TRPV5: variants seen among roughly 807,000 people sequenced by gnomAD.
TRPV5 encodes transient receptor potential cation channel subfamily V member 5, also known as calcium transport protein 2.
A neutral mutation model predicts 74.1 loss-of-function variants in TRPV5; 66 were observed. That is an observed-to-expected ratio of 0.89 (90% CI 0.73 to 1.09). The LOEUF is 1.09. Among genes scored for constraint, TRPV5 ranks in the 50% least tolerant of loss-of-function variants. TRPV5 has a pLI of 0.00. For missense variants in TRPV5, 936 were observed against 930.4 expected (o/e 1.01, Z -0.08); for synonymous variants, 399 against 360.7 (o/e 1.11, Z -1.20).
Position 142,928,112 on chromosome 7 carries a change from A to G in TRPV5, c.885T>C (p.Leu295=), listed in dbSNP as rs759272101. 6 of 1,614,130 alleles carry G rather than the reference A, an allele frequency of 3.7e-6. No homozygotes were observed. In the Admixed American group the frequency reaches 1.0e-4, roughly 27 times the overall value. Residue 295 remains leucine (L), a synonymous_variant, in exon 7 of 15, where the codon CTT becomes CTC. Transcript: ENST00000265310. ...SWGEELSFLE[L]VVSSDKREAR... is the part of the protein sequence containing the mutation. ...CCTCTCGTTTATCAGAGGAGACCAC[A>G]AGCTCCAGGAAGGACAGCTCCTCTC...
chr7:142,915,186 T>C lies in TRPV5; in HGVS notation c.1286+121A>G, dbSNP rs4252486. ...ACGCACATACAGTTACACCTACAAG[T>C]CCACTGGAGAGAAGTCCTTGGAGTG... is the stretch of plus-strand genomic sequence containing the variant. On this transcript the variant is annotated intron_variant, in intron 10 of 14. Transcript: ENST00000265310. 58 of 1,511,826 alleles carry C rather than the reference T, an allele frequency of 3.8e-5. No individual in the cohort carries two copies. The African/African-American group carries it at 6.9e-4, about 18-fold the overall frequency. The allele number at this position is 1,511,826 out of a possible 1,614,324, so 93.7% of individuals were successfully genotyped here.
intron 13 of TRPV5, among the ~76,000 whole-genome samples, chr7:142,911,773 GA>G (rs1166219216): frequency 6.6e-6 from 1 of 152,150 alleles, no homozygotes; most frequent in African/African-American, 2.4e-5. Flanking sequence ...AAGTCTAAGG[GA>G]AAAATGATGG....
At chr7:142,916,868 C>G (rs865955305) in intron 8 of TRPV5, among the ~76,000 whole-genome samples, 1 of 150,864 alleles carries the variant, frequency 6.6e-6, no homozygotes, top group African/African-American at 2.4e-5. Context: ...GGTCTAACAA[C>G]CTGTGACCAG....
chr7:142,931,017 ATTTTTTTTTT>A (rs35738386), intron 1 of TRPV5, among the ~76,000 whole-genome samples: 3 of 100,318 alleles, frequency 3.0e-5, no homozygotes, highest in South Asian at 3.5e-4. Flanking sequence ...CCCTCAGGCT[ATTTTTTTTTT>A]TTTTTTTTTT....
intron 8 of TRPV5, among the ~76,000 whole-genome samples, chr7:142,920,845 A>T (rs1795871402): frequency 6.6e-6 from 1 of 152,212 alleles, no homozygotes; most frequent in African/African-American, 2.4e-5. Context: ...TGGAAATGCC[A>T]AGTCTCAGGT....
intron 1 of TRPV5, among the ~76,000 whole-genome samples, chr7:142,931,946 C>A (rs1047871019): frequency 6.6e-6 from 1 of 152,166 alleles, no homozygotes; most frequent in African/African-American, 2.4e-5. Context: ...AGGTGATCCA[C>A]CCATCTCGGC....
At chr7:142,913,250 A>C (rs1335855520) in intron 12 of TRPV5, among the ~76,000 whole-genome samples, 1 of 152,134 alleles carries the variant, frequency 6.6e-6, no homozygotes, top group Non-Finnish European at 1.5e-5. Context: ...TCCCTGAGTG[A>C]ACCTGAACCA....
At chr7:142,915,134 C>T in intron 10 of TRPV5, 88 bp from the exon 11 acceptor site, 1 of 1,539,504 alleles carries the variant, frequency 6.5e-7, no homozygotes, top group Non-Finnish European at 8.9e-7. Flanking sequence ...GGTATCCACA[C>T]ACTCAGGCTT....
chr7:142,930,171 C>T lies in TRPV5; in HGVS notation c.236G>A (p.Gly79Glu), dbSNP rs1231329359. 6.2e-7 allele frequency: 1 copy of T among 1,612,452 alleles called. No individual in the cohort carries two copies. Among genetic ancestry groups the T allele is most frequent in the African/African-American group, 1.3e-5 (1 of 74,754 alleles). Residue 79 changes from glycine (G) to glutamate (E), a missense_variant, in exon 3 of 15, where the codon GGG becomes GAG. Coordinates refer to ENST00000265310, the MANE Select transcript of TRPV5 (RefSeq NM_019841.7). ...GGCTGCTATGTGCAGCGCCGTCTCC[C>T]CCAGGGCTCCTGGATTGGAGTAAGA... is the stretch of plus-strand genomic sequence containing the variant. ...TCDVRQRGAL[G>E]ETALHIAALY...
intron 13 of TRPV5, among the ~76,000 whole-genome samples, chr7:142,911,872 T>G (rs1025644044): frequency 1.3e-5 from 2 of 152,218 alleles, no homozygotes; most frequent in African/African-American, 4.8e-5. Context: ...AGAATGAAAT[T>G]TTAAGAAGAT....
intron 13 of TRPV5, 95 bp from the exon 14 acceptor site, chr7:142,909,691 T>C: frequency 1.5e-6 from 2 of 1,332,828 alleles, no homozygotes; most frequent in Non-Finnish European, 2.1e-6. Context: ...AAAGGCAATC[T>C]GTGAGATAGG....
rs145401767 is a variant in TRPV5, at chr7:142,919,588, T to C, written c.1123-4020A>G. 6.6e-4 allele frequency among the ~76,000 whole-genome samples: 100 copies of C among 152,332 alleles called. 1 individual carries two copies. Among genetic ancestry groups the C allele is most frequent in the Non-Finnish European group, 5.3e-4 (36 of 68,016 alleles). On this transcript the variant is annotated intron_variant, in intron 8 of 14. Coordinates refer to ENST00000265310, the MANE Select transcript of TRPV5 (RefSeq NM_019841.7). ...TCCAATACATCCCTTTAAAAATAAATATCATCTAACAATGACTGGAATTTT... is the reference window on the plus strand; with the variant it reads ...TCCAATACATCCCTTTAAAAATAAACATCATCTAACAATGACTGGAATTTT...
chr7:142,917,564 C>G lies in TRPV5; in HGVS notation c.1123-1996G>C, dbSNP rs4252477. On this transcript the variant is annotated intron_variant, in intron 8 of 14. Coordinates refer to ENST00000265310, the MANE Select transcript of TRPV5 (RefSeq NM_019841.7). ...TGTGAAACCCCTCTAATGCTGGGGA[C>G]AGTTTTGGTCACCAAATTCTCCTGC... 6.3e-3 allele frequency among the ~76,000 whole-genome samples: 961 copies of G among 152,312 alleles called. 10 individuals are homozygous for G. Among genetic ancestry groups the G allele is most frequent in the African/African-American group, 0.022 (914 of 41,566 alleles).
chr7:142,919,247 AG>A (rs1035223837), intron 8 of TRPV5, among the ~76,000 whole-genome samples: 9 of 152,336 alleles, frequency 5.9e-5, no homozygotes, highest in African/African-American at 2.2e-4. Context: ...TCTCACCAGT[AG>A]TCTTAGAGCT....
intron 13 of TRPV5, among the ~76,000 whole-genome samples, chr7:142,910,728 G>A (rs1384646042): frequency 6.6e-6 from 1 of 152,294 alleles, no homozygotes; most frequent in Middle Eastern, 3.4e-3. Context: ...ACCCTGGATA[G>A]CTGTTCTTCT....
intron 1 of TRPV5, among the ~76,000 whole-genome samples, chr7:142,932,996 G>A (rs1468643427): frequency 6.6e-6 from 1 of 152,150 alleles, no homozygotes; most frequent in East Asian, 1.9e-4. Context: ...CCCTTCTTCA[G>A]CAGCCTGCTT....
At chr7:142,915,920 G>C (rs900438023) in intron 8 of TRPV5, among the ~76,000 whole-genome samples, 2 of 152,238 alleles carry the variant, frequency 1.3e-5, no homozygotes, top group African/African-American at 2.4e-5. Context: ...AGTGGCTTGG[G>C]ATGGTTTCAG....
rs1302701820 is a variant in TRPV5, at chr7:142,928,100, A to G, written c.897T>C (p.Ser299=). 1.2e-6 allele frequency: 2 copies of G among 1,614,064 alleles called. No individual in the cohort carries two copies. The highest frequency in any genetic ancestry group is 3.3e-5 in the Admixed American group (2 of 59,998). Residue 299 remains serine, a synonymous_variant, in exon 7 of 15, where the codon TCT becomes TCC. Coordinates refer to ENST00000265310, the MANE Select transcript of TRPV5 (RefSeq NM_019841.7). ...TTGGCATCCATACCTCTCGTTTATC[A>G]GAGGAGACCACAAGCTCCAGGAAGG... is the stretch of plus-strand genomic sequence containing the variant. The part of the protein sequence containing the change: ...ELSFLELVVS[S]DKREARQILE...
At chr7:142,924,716 A>ACAT (rs1050880618) in intron 8 of TRPV5, 2 of 152,082 alleles carry the variant, frequency 1.3e-5, no homozygotes, top group Admixed American at 6.5e-5. Flanking sequence ...CTACATACCT[A>ACAT]CATCACCTTC....
Sources: allele counts gnomAD v4.1 joint callset (sites outside exome capture counted in the v4.1 genomes callset), GRCh38; gene constraint gnomAD v4.1.1; transcripts MANE v1.5; gene names NCBI Gene and HGNC (gene_info 2026-07-23, HGNC 2026-07-21).